The following PGBD5 variants were observed in gnomAD, a reference collection of about 807,000 sequenced individuals.
PGBD5 encodes the protein piggyBac transposable element-derived protein 5.
In PGBD5, 14 loss-of-function variants were observed where a neutral mutation model predicts 47.9. That is an observed-to-expected ratio of 0.29 (90% CI 0.19 to 0.46). The LOEUF is 0.46. Among genes scored for constraint, PGBD5 ranks in the 20% least tolerant of loss-of-function variants. The pLI is 1.00. For missense variants in PGBD5, 635 were observed against 716.0 expected (o/e 0.89, Z 1.29); for synonymous variants, 316 against 306.3 (o/e 1.03, Z -0.33).
At chr1:230,405,646 T>G (rs1442527472) in intron 1 of PGBD5, among the ~76,000 whole-genome samples, 1 of 152,202 alleles carries the variant, frequency 6.6e-6, no homozygotes, top group Non-Finnish European at 1.5e-5. Context: ...CAGCTGTATA[T>G]ACCAGTAGCC....
chr1:230,322,944 A>T lies in PGBD5; in HGVS notation c.*481T>A, dbSNP rs1214285717. ...TGCTGGCATGAGGCAAATGCTGGAA[A>T]ACCCTCCGGCCTCCCCTGACACCTG... On this transcript the variant is annotated 3_prime_UTR_variant, in exon 7 of 7. Transcript: ENST00000391860. The surrounding 1 kb of genome is among the most constrained non-coding windows in gnomAD (Gnocchi z 5.9). The T allele has an allele frequency of 6.3e-6, 1 of 159,644 alleles. No individual in the cohort carries two copies. The highest frequency in any genetic ancestry group is 2.4e-5 in the African/African-American group (1 of 41,454). The allele number at this position is 159,644 out of a possible 1,614,324, so 9.9% of individuals were successfully genotyped here.
Position 230,407,158 on chromosome 1 carries a change from G to T in PGBD5, c.331+18440C>A, listed in dbSNP as rs190027940. ...TCCAGAATACGTCACTTTCAATCTA[G>T]GACTAAAAAAGAATATTCAGAGCTT... is the stretch of plus-strand genomic sequence containing the variant. On this transcript the variant is annotated intron_variant, in intron 1 of 6. Transcript: ENST00000391860. Among the ~76,000 whole-genome samples, 402 of 152,126 alleles carry T rather than the reference G, an allele frequency of 2.6e-3. 1 individual carries two copies. Among genetic ancestry groups the T allele is most frequent in the Admixed American group, 6.9e-3 (105 of 15,284 alleles).
At chr1:230,421,588 G>T (rs2102756571) in intron 1 of PGBD5, among the ~76,000 whole-genome samples, 1 of 152,294 alleles carries the variant, frequency 6.6e-6, no homozygotes, top group Non-Finnish European at 1.5e-5. Context: ...TGACAAATGA[G>T]AACTGAGGGT....
chr1:230,335,090 T>TACACACACAG (rs1313743330), intron 4 of PGBD5, among the ~76,000 whole-genome samples: 5 of 119,152 alleles, frequency 4.2e-5, no homozygotes, highest in Non-Finnish European at 9.6e-5. Context: ...CACACACAGG[T>TACACACACAG]ACACACACAG....
rs746164934 is a variant in PGBD5 at position 230,356,983 on chromosome 1, G to C, written c.670C>G (p.Gln224Glu). The change falls in exon 2 of 7, where the codon CAG becomes GAG. Residue 224 changes from glutamine (Q) to glutamate (E), a missense_variant. By Grantham distance (29) the Gln-to-Glu change is conservative (BLOSUM62 2). Transcript: ENST00000391860. ...YFHVVAFRSS[Q>E]TTHGLYKVQP... Reference sequence around the variant, plus strand: ...ACCTTGTAGAGCCCGTGCGTGGTCTGGCTGGAGCGGAAGGCCACGACGTGG... The same window carrying C: ...ACCTTGTAGAGCCCGTGCGTGGTCTCGCTGGAGCGGAAGGCCACGACGTGG... 2.5e-6 allele frequency: 4 copies of C among 1,614,092 alleles called. No individual in the cohort carries two copies. The highest frequency in any genetic ancestry group is 3.4e-6 in the Non-Finnish European group (4 of 1,180,054).
At chr1:230,412,414 A>T (rs1657429037) in intron 1 of PGBD5, among the ~76,000 whole-genome samples, 1 of 140,406 alleles carries the variant, frequency 7.1e-6, no homozygotes, top group South Asian at 2.3e-4. Flanking sequence ...TTTGAGACAG[A>T]GTCTCGCTCT....
At chr1:230,366,377 T>C (rs1431949352) in intron 1 of PGBD5, among the ~76,000 whole-genome samples, 2 of 148,520 alleles carry the variant, frequency 1.3e-5, no homozygotes, top group African/African-American at 2.5e-5. Context: ...TGTTTTTTTT[T>C]CCACTATCTA....
At chr1:230,364,720 A>G (rs1374031465) in intron 1 of PGBD5, among the ~76,000 whole-genome samples, 1 of 152,262 alleles carries the variant, frequency 6.6e-6, no homozygotes, top group Non-Finnish European at 1.5e-5. Context: ...CATAGTCCCT[A>G]AAGGTTTAAA....
At chr1:230,406,311 CAAAAAAAAAAAA>C (rs67577027) in intron 1 of PGBD5, among the ~76,000 whole-genome samples, 1 of 54,664 alleles carries the variant, frequency 1.8e-5, no homozygotes, top group Admixed American at 2.2e-4. Context: ...GACTCCGTCT[CAAAAAAAAAAAA>C]AAAAAAAAAA....
chr1:230,325,459 C>G, intron 5 of PGBD5, 44 bp from the exon 6 acceptor site: 1 of 1,351,746 alleles, frequency 7.4e-7, no homozygotes. Flanking sequence ...AGCACCTCCT[C>G]CTAATGCCAC....
chr1:230,324,267 C>A (rs139547307), intron 6 of PGBD5, among the ~76,000 whole-genome samples: 62 of 152,358 alleles, frequency 4.1e-4, no homozygotes, highest in African/African-American at 1.4e-3. Context: ...CTCACTATGT[C>A]TGAAATGCCC....
intron 1 of PGBD5, among the ~76,000 whole-genome samples, chr1:230,401,933 G>A (rs1281249270): frequency 6.6e-6 from 1 of 152,160 alleles, no homozygotes; most frequent in Admixed American, 6.5e-5. Flanking sequence ...GAGAGCTGAC[G>A]GACTCTGATG....
At chr1:230,424,123 C>A (rs1657718509) in intron 1 of PGBD5, among the ~76,000 whole-genome samples, 1 of 152,180 alleles carries the variant, frequency 6.6e-6, no homozygotes, top group Admixed American at 6.5e-5. Context: ...GGACCTGGAT[C>A]TCAAATGTTC....
intron 3 of PGBD5, among the ~76,000 whole-genome samples, chr1:230,348,658 G>A (rs1667511393): frequency 6.6e-6 from 1 of 151,042 alleles, no homozygotes; most frequent in African/African-American, 2.4e-5. Context: ...AAAGGGGCAG[G>A]ACTCTAAAAA....
chr1:230,322,528 G>A lies in PGBD5; in HGVS notation c.*897C>T, dbSNP rs968297994. On this transcript the variant is annotated 3_prime_UTR_variant, in exon 7 of 7. Coordinates refer to ENST00000391860, the MANE Select transcript of PGBD5 (RefSeq NM_001258311.2). The surrounding 1 kb of genome is among the most constrained non-coding windows in gnomAD (Gnocchi z 5.9). ...ATCTGCGACAAAGCTTAGGGCCCGC[G>A]GGCTCCCCATGCGCCTCGTGGAGAG... 3 of 152,622 alleles carry A rather than the reference G, an allele frequency of 2.0e-5. No homozygotes were observed. The highest frequency in any genetic ancestry group is 2.9e-5 in the Non-Finnish European group (2 of 68,036). 9.5% of individuals were successfully genotyped at this position (152,622 alleles called of 1,614,324 possible).
At chr1:230,373,314 G>C (rs185169853) in intron 1 of PGBD5, among the ~76,000 whole-genome samples, 5 of 152,208 alleles carry the variant, frequency 3.3e-5, no homozygotes, top group Admixed American at 1.3e-4. Context: ...CCCTGATCCA[G>C]AGATGGCAAA....
chr1:230,325,482 C>T, intron 5 of PGBD5, 67 bp from the exon 6 acceptor site: 1 of 1,142,934 alleles, frequency 8.7e-7, no homozygotes, highest in Admixed American at 1.9e-5. Context: ...TATAAATGTG[C>T]CTATCTTCGT....
In PGBD5 at chr1:230,349,534, CAAAAA is replaced by C. The variant is rs11446040; in HGVS notation, c.894+1419_894+1423del. ...TGGGTGACAGAGTCAGACCCCGTCT[CAAAAA>C]AAAAAAAAAAAAAAAAAGCTACCTA... is the stretch of plus-strand genomic sequence containing the variant. On this transcript the variant is annotated intron_variant, in intron 3 of 6. Transcript: ENST00000391860. Among the ~76,000 whole-genome samples the C allele has an allele frequency of 1.8e-4, 15 of 83,664 alleles. No individual in the cohort carries two copies. In the East Asian group the frequency reaches 3.5e-3, roughly 19 times the overall value. The allele number at this position is 83,664 out of a possible 152,430, so 54.9% of individuals were successfully genotyped here.
At chr1:230,402,962 G>A (rs1657180210) in intron 1 of PGBD5, among the ~76,000 whole-genome samples, 1 of 152,162 alleles carries the variant, frequency 6.6e-6, no homozygotes, top group South Asian at 2.1e-4. Flanking sequence ...CTTCATCCAA[G>A]CAACTACAAG....
Sources: gnomAD v4.1 joint callset for allele counts (sites outside exome capture counted in the v4.1 genomes callset) on GRCh38, gnomAD v4.1.1 for gene constraint, Gnocchi (gnomAD v3.1) non-coding constraint, MANE v1.5 for transcripts, NCBI Gene and HGNC (gene_info 2026-07-23, HGNC 2026-07-21) for gene names.